Variants in SEC24A observed in about 807,000 individuals in gnomAD.
The protein encoded by SEC24A is SEC24 homolog A, COPII component, also known as protein transport protein Sec24A.
SEC24A carries 93 observed loss-of-function variants against 129.4 expected under a neutral mutation model. The ratio of observed to expected loss-of-function variants is 0.72; its 90% CI spans 0.61 to 0.85. The LOEUF (loss-of-function observed/expected upper bound fraction) is 0.85. SEC24A is among the 40% of genes least tolerant of loss of function. The pLI, the probability that SEC24A is intolerant of heterozygous loss-of-function variation, is 0.00. For synonymous variants in SEC24A, 460 were observed against 467.3 expected, an observed-to-expected ratio of 0.98 and a Z score of 0.20; for missense variants, 1,264 against 1,307.4, an observed-to-expected ratio of 0.97 and a Z score of 0.51.
chr5:134,665,543 T>TTTTA (rs1379375156), intron 2 of SEC24A, among the ~76,000 whole-genome samples: 1 of 151,872 alleles, frequency 6.6e-6, no homozygotes, highest in Non-Finnish European at 1.5e-5. Context: ...GGCCCCCTAT[T>TTTTA]TTTATTTTTA....
intron 13 of SEC24A, 28 bp downstream of exon 13, chr5:134,693,961 G>T: frequency 6.4e-7 from 1 of 1,570,018 alleles, no homozygotes; most frequent in South Asian, 1.1e-5. Flanking sequence ...TGTCTGATAA[G>T]GTTTATGCTG....
chr5:134,656,951 G>A (rs1580676946), intron 1 of SEC24A, among the ~76,000 whole-genome samples: 1 of 151,486 alleles, frequency 6.6e-6, no homozygotes, highest in African/African-American at 2.4e-5. Flanking sequence ...TTGGGAGGTC[G>A]AGTCAAGAAG....
chr5:134,693,115 T>A (rs1751712889), intron 12 of SEC24A: 2 of 1,535,630 alleles, frequency 1.3e-6, no homozygotes, highest in African/African-American at 2.7e-5. Flanking sequence ...GTGAACAGAA[T>A]GTGTCTGAAG....
At chr5:134,678,964 C>T (rs1426953028) in intron 7 of SEC24A, among the ~76,000 whole-genome samples, 1 of 152,124 alleles carries the variant, frequency 6.6e-6, no homozygotes, top group Admixed American at 6.5e-5. Context: ...ATCTTCCTGC[C>T]TTGGCCTCCC....
At chr5:134,672,835 G>T (rs936952152) in intron 4 of SEC24A, among the ~76,000 whole-genome samples, 1 of 151,424 alleles carries the variant, frequency 6.6e-6, no homozygotes, top group Non-Finnish European at 1.5e-5. Flanking sequence ...TCCTGGGCTC[G>T]TGCGATCTTC....
chr5:134,672,089 C>G (rs772062536), intron 4 of SEC24A, among the ~76,000 whole-genome samples: 1 of 152,106 alleles, frequency 6.6e-6, no homozygotes, highest in Admixed American at 6.6e-5. Flanking sequence ...GCGATCATGG[C>G]TCACTGCAGC....
At chr5:134,678,881 A>C (rs1294351814) in intron 7 of SEC24A, among the ~76,000 whole-genome samples, 5 of 151,744 alleles carry the variant, frequency 3.3e-5, no homozygotes, top group Non-Finnish European at 7.4e-5. Flanking sequence ...CGCCCAGCCT[A>C]TTTTTATTTT....
intron 7 of SEC24A, among the ~76,000 whole-genome samples, chr5:134,679,115 C>T (rs1029409977): frequency 2.0e-5 from 3 of 152,038 alleles, no homozygotes; most frequent in Admixed American, 1.3e-4. Flanking sequence ...CTGGGTCTTG[C>T]TCTGTTGCCC....
intron 1 of SEC24A, among the ~76,000 whole-genome samples, chr5:134,658,372 TG>T (rs1372116050): frequency 1.3e-5 from 2 of 152,332 alleles, no homozygotes; most frequent in Admixed American, 6.5e-5. Flanking sequence ...ATTTTGAATA[TG>T]TTGGAACATT....
chr5:134,693,421 T>C (rs1236702280), intron 12 of SEC24A: 33 of 1,355,636 alleles, frequency 2.4e-5, no homozygotes, highest in South Asian at 3.4e-5. Flanking sequence ...CCATATTTCA[T>C]GGCATTAAAA....
At position 134,674,630 on chromosome 5, in the gene SEC24A, C is replaced by T. The variant is rs774163336; in HGVS notation, c.833C>T (p.Thr278Ile). 1.9e-6 allele frequency: 3 copies of T among 1,613,424 alleles called. No homozygotes were observed. The highest frequency in any genetic ancestry group is 2.5e-6 in the Non-Finnish European group (3 of 1,179,682). ...GGGLLATPQLTNKNPKMSRSV... is the reference protein window; with the variant it reads ...GGGLLATPQLINKNPKMSRSV... The stretch of plus-strand genomic sequence containing the variant: ...TTGTTTCTAGCAACACCACAGCTTA[C>T]TAACAAGAATCCCAAAATGAGCCGA... The change falls in exon 5 of 23, where the codon ACT becomes ATT. Residue 278 changes from threonine (T) to isoleucine (I), a missense_variant. Transcript: ENST00000398844.
rs202158337 is a variant in SEC24A, at chr5:134,661,167, G to A, written c.146G>A (p.Gly49Glu). ...TCTTCACAAGAGTCAGTGAGCCAAG[G>A]ATACAATTTCCAGCTTCCAGGATCC... ...LLSSQESVSQ[G>E]YNFQLPGSYP... The change falls in exon 2 of 23, where the codon GGA (glycine) becomes GAA (glutamate). Residue 49 changes from glycine to glutamate, a missense_variant. Gly to Glu is a moderately conservative substitution (Grantham distance 98). Coordinates refer to ENST00000398844, the MANE Select transcript of SEC24A (RefSeq NM_021982.3). 1.2e-6 allele frequency: 2 copies of A among 1,613,738 alleles called. No homozygotes were observed. The highest frequency in any genetic ancestry group is 1.1e-5 in the South Asian group (1 of 90,996).
intron 1 of SEC24A, among the ~76,000 whole-genome samples, chr5:134,656,982 C>T (rs1450843321): frequency 6.6e-6 from 1 of 151,096 alleles, no homozygotes; most frequent in Non-Finnish European, 1.5e-5. Context: ...CCCAGGAGTT[C>T]GAGACCAGCC....
rs1158170753 is a variant in SEC24A, at chr5:134,654,218, A to AT, written c.97+5045_97+5046insT. Among the ~76,000 whole-genome samples, 136 of 150,770 alleles carry AT rather than the reference A, an allele frequency of 9.0e-4. 1 individual carries two copies. The highest frequency in any genetic ancestry group is 2.0e-3 in the African/African-American group (83 of 41,270). On this transcript the variant is annotated intron_variant, in intron 1 of 22. Coordinates refer to ENST00000398844, the MANE Select transcript of SEC24A (RefSeq NM_021982.3). ...AACAGTAGCCTTTTTCAAAAAAAAA[A>AT]AATATATATATATATTTTTTGAGAC...
chr5:134,664,822 G>A (rs767804507), intron 2 of SEC24A, among the ~76,000 whole-genome samples: 1 of 104,186 alleles, frequency 9.6e-6, no homozygotes, highest in African/African-American at 3.7e-5. Flanking sequence ...TTTTTGAGAC[G>A]GAGCCTTACT....
chr5:134,698,148 T>G, intron 15 of SEC24A, 91 bp downstream of exon 15: 3 of 1,094,638 alleles, frequency 2.7e-6, no homozygotes, highest in Non-Finnish European at 3.9e-6. Context: ...AGATTGCCCT[T>G]CTGAGATACT....
intron 8 of SEC24A, among the ~76,000 whole-genome samples, chr5:134,679,932 A>C (rs1343915923): frequency 6.6e-6 from 1 of 152,130 alleles, no homozygotes; most frequent in Non-Finnish European, 1.5e-5. Context: ...GCAAAAAATA[A>C]TGATAGTATT....
intron 11 of SEC24A, among the ~76,000 whole-genome samples, chr5:134,691,732 G>A (rs1055297973): frequency 2.6e-5 from 4 of 151,634 alleles, no homozygotes; most frequent in African/African-American, 4.8e-5. Flanking sequence ...TGATCCGCCC[G>A]CGTCGGCCTC....
In SEC24A at chr5:134,727,495, T is replaced by G. The variant is rs1376879966; in HGVS notation, c.*2401T>G. On this transcript the variant is annotated 3_prime_UTR_variant, in exon 23 of 23. Coordinates refer to ENST00000398844, the MANE Select transcript of SEC24A (RefSeq NM_021982.3). ...TTTTCACTGTTTTTAATTTAATGTA[T>G]TGAGTCTAATAGACTGTTTTGCAAT... 6.6e-6 allele frequency: 1 copy of G among 152,624 alleles called. No individual in the cohort carries two copies. The highest frequency in any genetic ancestry group is 2.4e-5 in the African/African-American group (1 of 41,464). 9.5% of individuals were successfully genotyped at this position (152,624 alleles called of 1,614,324 possible).
Sources: gnomAD v4.1 joint callset for allele counts (sites outside exome capture counted in the v4.1 genomes callset) on GRCh38, gnomAD v4.1.1 for gene constraint, MANE v1.5 for transcripts, NCBI Gene and HGNC (gene_info 2026-07-23, HGNC 2026-07-21) for gene names.